The following MYRIP variants were observed in gnomAD, a reference collection of about 807,000 sequenced individuals.
MYRIP encodes the protein myosin VIIA and Rab interacting protein, also known as rab effector MyRIP.
MYRIP carries 49 observed loss-of-function variants against 98.0 expected under a neutral mutation model. The ratio of observed to expected loss-of-function variants is 0.50; its 90% CI spans 0.40 to 0.63. The LOEUF (loss-of-function observed/expected upper bound fraction) is 0.63. Ranked by LOEUF, MYRIP falls within the 30% of genes least tolerant of loss-of-function variation. The pLI, the probability that MYRIP is intolerant of heterozygous loss-of-function variation, is 0.00. For missense variants in MYRIP, 1,004 were observed against 1,058.2 expected, an observed-to-expected ratio of 0.95 and a Z score of 0.71; for synonymous variants, 404 against 409.5, an observed-to-expected ratio of 0.99 and a Z score of 0.16.
At chr3:40,227,354 A>G (rs188555885) in intron 11 of MYRIP, among the ~76,000 whole-genome samples, 138 of 152,252 alleles carry the variant, frequency 9.1e-4, no homozygotes, top group Non-Finnish European at 1.7e-3. Flanking sequence ...CAACAGAATG[A>G]AAAACCGGGA....
chr3:40,001,903 A>G (rs904863761), intron 2 of MYRIP, among the ~76,000 whole-genome samples: 2 of 152,202 alleles, frequency 1.3e-5, no homozygotes, highest in African/African-American at 4.8e-5. Flanking sequence ...CTGGTTAGAC[A>G]TCGTGGGTGA....
Position 39,857,176 on chromosome 3 carries a change from G to A in MYRIP, c.-30-43611G>A, listed in dbSNP as rs985742440. On this transcript the variant is annotated intron_variant, in intron 1 of 16. Coordinates refer to ENST00000302541, the MANE Select transcript of MYRIP (RefSeq NM_015460.4). ...GGCAGTGAGCCAAGACCATGCTACT[G>A]CACTCCAGCCTGAGTGACAGGGTGA... is the stretch of plus-strand genomic sequence containing the variant. Among the ~76,000 whole-genome samples the A allele has an allele frequency of 5.9e-5, 9 of 151,890 alleles. No homozygotes were observed. The South Asian group carries it at 1.9e-3, about 32-fold the overall frequency.
chr3:39,850,867 G>C (rs1283630443), intron 1 of MYRIP, among the ~76,000 whole-genome samples: 1 of 152,110 alleles, frequency 6.6e-6, no homozygotes, highest in African/African-American at 2.4e-5. Context: ...AAACTGAAAG[G>C]GAAATTCTCA....
chr3:40,149,507 T>C (rs1462324825), intron 3 of MYRIP, among the ~76,000 whole-genome samples: 1 of 152,226 alleles, frequency 6.6e-6, no homozygotes, highest in African/African-American at 2.4e-5. Flanking sequence ...AAGTCTTAAA[T>C]CTGAAGTAGA....
In MYRIP at chr3:40,258,339, G is replaced by A. The variant is rs1953666063; in HGVS notation, c.*173G>A. On this transcript the variant is annotated 3_prime_UTR_variant, in exon 17 of 17. Coordinates refer to ENST00000302541, the MANE Select transcript of MYRIP (RefSeq NM_015460.4). ...ATACCTCATCCAGAAAGCCGTCTCA[G>A]ACTTCAGCACTGCGGTCTTGCCCAC... 1.4e-6 allele frequency: 1 copy of A among 692,486 alleles called. No homozygotes were observed. Among genetic ancestry groups the A allele is most frequent in the South Asian group, 1.8e-5 (1 of 55,610 alleles). 42.9% of individuals were successfully genotyped at this position (692,486 alleles called of 1,614,324 possible).
intron 16 of MYRIP, among the ~76,000 whole-genome samples, chr3:40,255,780 A>G (rs1345340142): frequency 4.6e-5 from 7 of 152,250 alleles, no homozygotes; most frequent in African/African-American, 1.4e-4. Flanking sequence ...ACCCATAAAT[A>G]AATACAAATT....
intron 7 of MYRIP, among the ~76,000 whole-genome samples, chr3:40,168,395 T>C (rs572890765): frequency 6.6e-6 from 1 of 152,342 alleles, no homozygotes; most frequent in South Asian, 2.1e-4. Flanking sequence ...ACTCAGAACT[T>C]GCATTAGCCT....
At chr3:40,182,769 T>TC (rs1484374874) in intron 9 of MYRIP, among the ~76,000 whole-genome samples, 2 of 152,226 alleles carry the variant, frequency 1.3e-5, no homozygotes, top group Admixed American at 1.3e-4. Flanking sequence ...AACCAACCTC[T>TC]CATGGCATTT....
At position 40,258,681 on chromosome 3, in the gene MYRIP, T is replaced by G. The variant is rs745435118; in HGVS notation, c.*515T>G. Reference sequence around the variant, plus strand: ...AAAAGCAAGTCCCTGCAGTGAGCACTAGGGACAGTCTAATTTGGGGATTGC... The same window carrying G: ...AAAAGCAAGTCCCTGCAGTGAGCACGAGGGACAGTCTAATTTGGGGATTGC... On this transcript the variant is annotated 3_prime_UTR_variant, in exon 17 of 17. Transcript: ENST00000302541. 1.3e-5 allele frequency: 2 copies of G among 155,746 alleles called. No individual in the cohort carries two copies. The highest frequency in any genetic ancestry group is 4.8e-5 in the African/African-American group (2 of 41,524). The allele number at this position is 155,746 out of a possible 1,614,324, so 9.6% of individuals were successfully genotyped here.
chr3:40,146,365 T>C (rs1051348292), intron 3 of MYRIP, among the ~76,000 whole-genome samples: 2 of 152,208 alleles, frequency 1.3e-5, no homozygotes, highest in African/African-American at 4.8e-5. Context: ...AAAGCCAGTG[T>C]GAGCGTGTTT....
chr3:39,952,122 G>T (rs1945031936), intron 2 of MYRIP, among the ~76,000 whole-genome samples: 1 of 152,082 alleles, frequency 6.6e-6, no homozygotes, highest in Non-Finnish European at 1.5e-5. Context: ...GCCTTATCTG[G>T]AAATTTCATA....
In MYRIP at chr3:39,964,314, G is replaced by C. The variant is rs560885760; in HGVS notation, c.110+63388G>C. The stretch of plus-strand genomic sequence containing the variant: ...AATGGTATACATGATAATATAGCAG[G>C]TAAGAAGTTGCTGGCATGAGTTTCA... On this transcript the variant is annotated intron_variant, in intron 2 of 16. Transcript: ENST00000302541. 6.6e-4 allele frequency among the ~76,000 whole-genome samples: 101 copies of C among 152,166 alleles called. 3 individuals carry two copies. The South Asian group carries it at 0.019, about 28-fold the overall frequency.
intron 13 of MYRIP, among the ~76,000 whole-genome samples, chr3:40,246,009 G>A (rs535045051): frequency 5.5e-5 from 8 of 146,492 alleles, no homozygotes; most frequent in African/African-American, 1.5e-4. Context: ...CGATCCACCC[G>A]CCTTGGCCTC....
chr3:39,939,478 A>G (rs758532479), intron 2 of MYRIP, among the ~76,000 whole-genome samples: 12 of 152,170 alleles, frequency 7.9e-5, no homozygotes, highest in Non-Finnish European at 1.5e-4. Context: ...ATCTAGTGAA[A>G]CACACACGTG....
intron 1 of MYRIP, among the ~76,000 whole-genome samples, chr3:39,866,094 G>A (rs1342390593): frequency 6.6e-6 from 1 of 152,040 alleles, no homozygotes; most frequent in Admixed American, 6.6e-5. Flanking sequence ...AACACCACAT[G>A]TTCCCACTTA....
intron 2 of MYRIP, among the ~76,000 whole-genome samples, chr3:40,035,697 G>A (rs1468011173): frequency 6.6e-6 from 1 of 151,746 alleles, no homozygotes; most frequent in Non-Finnish European, 1.5e-5. Flanking sequence ...TAGAACTTCT[G>A]GAAATATAAA....
chr3:40,184,889 T>C (rs1175546546), intron 9 of MYRIP, among the ~76,000 whole-genome samples: 1 of 152,178 alleles, frequency 6.6e-6, no homozygotes, highest in African/African-American at 2.4e-5. Flanking sequence ...ACTCTATGCA[T>C]CTCTCAGGAT....
intron 1 of MYRIP, among the ~76,000 whole-genome samples, chr3:39,882,647 A>G (rs1452017339): frequency 6.6e-6 from 1 of 152,072 alleles, no homozygotes; most frequent in East Asian, 1.9e-4. Flanking sequence ...TTACTTTCTC[A>G]CAGCTTAAAT....
At chr3:40,172,192 CAT>C (rs1309463438) in intron 8 of MYRIP, among the ~76,000 whole-genome samples, 1 of 152,192 alleles carries the variant, frequency 6.6e-6, no homozygotes, top group East Asian at 1.9e-4. Flanking sequence ...AATGGTGAAA[CAT>C]GCCATAAACA....
Sources: gnomAD v4.1 joint callset for allele counts (sites outside exome capture counted in the v4.1 genomes callset) on GRCh38, gnomAD v4.1.1 for gene constraint, MANE v1.5 for transcripts, NCBI Gene and HGNC (gene_info 2026-07-23, HGNC 2026-07-21) for gene names.